Variants in SLC24A1 observed in about 807,000 individuals in gnomAD.
SLC24A1 encodes the protein sodium/potassium/calcium exchanger 1.
SLC24A1 carries 52 observed loss-of-function variants against 88.1 expected under a neutral mutation model. The ratio of observed to expected loss-of-function variants is 0.59; its 90% CI spans 0.47 to 0.74. The LOEUF is 0.74. Among genes scored for constraint, SLC24A1 ranks in the 30% least tolerant of loss-of-function variants. The pLI is 0.00. For missense variants in SLC24A1, 1,173 were observed against 1,363.3 expected (o/e 0.86, Z 2.20); for synonymous variants, 455 against 498.0 (o/e 0.91, Z 1.15).
At chr15:65,642,256 TC>T (rs919692610) in intron 4 of SLC24A1, among the ~76,000 whole-genome samples, 1 of 152,204 alleles carries the variant, frequency 6.6e-6, no homozygotes, top group African/African-American at 2.4e-5. Context: ...TTACAGGTGT[TC>T]CAGCTCTTTC....
chr15:65,652,286 AT>A (rs1209802914), intron 8 of SLC24A1: 2 of 280,192 alleles, frequency 7.1e-6, no homozygotes, highest in African/African-American at 4.4e-5. Context: ...AAGTGTCCAC[AT>A]TCCTGGAAAT....
chr15:65,627,931 A>C (rs2074576019), intron 2 of SLC24A1, among the ~76,000 whole-genome samples: 1 of 152,230 alleles, frequency 6.6e-6, no homozygotes. Context: ...TGATGATTAC[A>C]TCTCTGTTCT....
downstream of SLC24A1, among the ~76,000 whole-genome samples, chr15:65,657,306 G>A (rs772677473): frequency 3.3e-5 from 5 of 152,174 alleles, no homozygotes; most frequent in Non-Finnish European, 7.4e-5. Context: ...ACCAAAGGGG[G>A]CAGGAATTGG....
In SLC24A1 at chr15:65,654,791, C is replaced by T. The variant is rs1261153513; in HGVS notation, c.*712C>T. 1.9e-6 allele frequency: 2 copies of T among 1,047,952 alleles called. No homozygotes were observed. The highest frequency in any genetic ancestry group is 2.6e-5 in the Admixed American group (1 of 38,420). The allele number at this position is 1,047,952 out of a possible 1,614,324, so 64.9% of individuals were successfully genotyped here. On this transcript the variant is annotated 3_prime_UTR_variant, in exon 10 of 10. Transcript: ENST00000261892. ...CGTGATCTCGGCACACCACAACCTT[C>T]ACCTCCCCGGTTCAAGCAATTCTCC... is the stretch of plus-strand genomic sequence containing the variant.
At chr15:65,637,692 T>C (rs999777853) in intron 2 of SLC24A1, among the ~76,000 whole-genome samples, 7 of 152,136 alleles carry the variant, frequency 4.6e-5, no homozygotes, top group African/African-American at 1.7e-4. Flanking sequence ...CACAAATAAA[T>C]TGGGGAAAGT....
intron 6 of SLC24A1, among the ~76,000 whole-genome samples, chr15:65,648,264 CA>C (rs896036098): frequency 1.5e-4 from 21 of 143,456 alleles, no homozygotes; most frequent in East Asian, 4.1e-4. Flanking sequence ...CGCCTCAAAA[CA>C]AAAAAAAAAG....
chr15:65,633,198 A>T (rs1428675757), intron 2 of SLC24A1, among the ~76,000 whole-genome samples: 1 of 152,248 alleles, frequency 6.6e-6, no homozygotes, highest in African/African-American at 2.4e-5. Context: ...ACAGCTGTTG[A>T]GCCCTGGAAA....
chr15:65,646,924 C>T (rs1466460518), intron 6 of SLC24A1, among the ~76,000 whole-genome samples: 1 of 152,174 alleles, frequency 6.6e-6, no homozygotes, highest in Non-Finnish European at 1.5e-5. Flanking sequence ...CAGAGGTATT[C>T]CCTGGAATCC....
intron 2 of SLC24A1, among the ~76,000 whole-genome samples, chr15:65,635,474 A>AAAAAAAG (rs1483657114): frequency 1.3e-5 from 2 of 151,056 alleles, no homozygotes; most frequent in African/African-American, 4.9e-5. Flanking sequence ...AAAAAAAGAA[A>AAAAAAAG]AAAAAAGAAA....
chr15:65,638,136 T>C lies in SLC24A1; in HGVS notation c.1899T>C (p.Asp633=), dbSNP rs763870352. The C allele has an allele frequency of 2.5e-6, 4 of 1,610,064 alleles. No homozygotes were observed. Among genetic ancestry groups the C allele is most frequent in the Non-Finnish European group, 3.4e-6 (4 of 1,178,042 alleles). Residue 633 remains aspartate, a synonymous_variant, in exon 3 of 10, where the codon GAT becomes GAC. Transcript: ENST00000261892. ...CCTCTCCCTGTTTGCAGCCGGGCGATGGGGCCATTGCGGTGGATGAGCTAC... is the reference window on the plus strand; with the variant it reads ...CCTCTCCCTGTTTGCAGCCGGGCGACGGGGCCATTGCGGTGGATGAGCTAC... ...MALEDLSKPG[D]GAIAVDELQD... is the part of the protein sequence containing the mutation.
chr15:65,631,241 A>C (rs922586276), intron 2 of SLC24A1, among the ~76,000 whole-genome samples: 3 of 152,232 alleles, frequency 2.0e-5, no homozygotes, highest in African/African-American at 7.2e-5. Flanking sequence ...TTAGATATTC[A>C]TGGTGTTCTA....
chr15:65,625,837 G>T lies in SLC24A1; in HGVS notation c.1757G>T (p.Ser586Ile). 3 of 1,614,016 alleles carry T rather than the reference G, an allele frequency of 1.9e-6. No individual in the cohort carries two copies. Among genetic ancestry groups the T allele is most frequent in the Non-Finnish European group, 2.5e-6 (3 of 1,179,882 alleles). ...FLDSLIAWWE[S>I]LLLLLAYAFY... is the part of the protein sequence containing the mutation. Reference sequence around the variant, plus strand: ...GACAGCCTCATTGCCTGGTGGGAGAGCCTGCTGCTGCTGCTGGCCTATGCC... The same window carrying T: ...GACAGCCTCATTGCCTGGTGGGAGATCCTGCTGCTGCTGCTGGCCTATGCC... Residue 586 changes from serine to isoleucine, a missense_variant, in exon 2 of 10, where the codon AGC (serine) becomes ATC (isoleucine). Ser to Ile is a moderately radical substitution (Grantham distance 142, BLOSUM62 -2). Transcript: ENST00000261892.
chr15:65,644,262 C>T (rs2075229143), intron 4 of SLC24A1, 165 bp from the exon 5 acceptor site: 2 of 655,892 alleles, frequency 3.0e-6, no homozygotes, highest in Non-Finnish European at 5.6e-6. Context: ...GGCACCACAA[C>T]TAGGCCTCGT....
At position 65,655,243 on chromosome 15, in the gene SLC24A1, A is replaced by G; in HGVS notation, c.*1164A>G. ...AAGAGTCCAAAGTCAGTAGCGCCAC[A>G]TCTGGTTTATAAAGTAAGAGATCCA... On this transcript the variant is annotated 3_prime_UTR_variant, in exon 10 of 10. Coordinates refer to ENST00000261892, the MANE Select transcript of SLC24A1 (RefSeq NM_004727.3). 1.0e-6 allele frequency: 1 copy of G among 985,680 alleles called. No individual in the cohort carries two copies. The highest frequency in any genetic ancestry group is 1.2e-6 in the Non-Finnish European group (1 of 830,104). The allele number at this position is 985,680 out of a possible 1,614,324, so 61.1% of individuals were successfully genotyped here.
chr15:65,638,298 A>T, intron 3 of SLC24A1, 117 bp downstream of exon 3: 1 of 741,016 alleles, frequency 1.3e-6, no homozygotes, highest in Non-Finnish European at 2.3e-6. Flanking sequence ...GGCCTAGGAA[A>T]CTCCTGGGAG....
intron 2 of SLC24A1, among the ~76,000 whole-genome samples, chr15:65,632,795 T>C (rs984608838): frequency 6.6e-6 from 1 of 152,204 alleles, no homozygotes; most frequent in Non-Finnish European, 1.5e-5. Context: ...TGGGGCCTGA[T>C]ACTCACTAAG....
chr15:65,651,274 A>G (rs2075495613), intron 7 of SLC24A1, among the ~76,000 whole-genome samples: 2 of 152,224 alleles, frequency 1.3e-5, no homozygotes, highest in Admixed American at 1.3e-4. Context: ...TCACAGGAGT[A>G]TTCCCAAAAC....
Position 65,625,375 on chromosome 15 carries a change from C to A in SLC24A1, c.1295C>A (p.Pro432Gln), listed in dbSNP as rs371026209. The A allele has an allele frequency of 1.6e-5, 26 of 1,613,914 alleles. No individual in the cohort carries two copies. Among genetic ancestry groups the A allele is most frequent in the African/African-American group, 2.7e-5 (2 of 74,932 alleles). The change falls in exon 2 of 10, where the codon CCA (proline) becomes CAA (glutamine). Residue 432 changes from proline (P) to glutamine (Q), a missense_variant. Transcript: ENST00000261892. ...PSPSVLPPSLPDLHPKGEYPP... is the reference protein window; with the variant it reads ...PSPSVLPPSLQDLHPKGEYPP... Reference sequence around the variant, plus strand: ...CCCTCAGTGCTGCCTCCCAGCTTGCCAGACCTCCACCCCAAGGGAGAGTAC... The same window carrying A: ...CCCTCAGTGCTGCCTCCCAGCTTGCAAGACCTCCACCCCAAGGGAGAGTAC...
intron 2 of SLC24A1, among the ~76,000 whole-genome samples, chr15:65,614,710 T>A (rs1199334684): frequency 6.6e-6 from 1 of 152,188 alleles, no homozygotes; most frequent in Admixed American, 6.5e-5. Flanking sequence ...TCCAACTAAC[T>A]TTGCCTCTGC....
Sources: gnomAD v4.1 joint callset for allele counts (sites outside exome capture counted in the v4.1 genomes callset) on GRCh38, gnomAD v4.1.1 for gene constraint, MANE v1.5 for transcripts, NCBI Gene and HGNC (gene_info 2026-07-23, HGNC 2026-07-21) for gene names.